PLA2G4D: variants seen among roughly 807,000 people sequenced by gnomAD.
PLA2G4D encodes phospholipase A2 group IVD.
Under a neutral mutation model 94.4 loss-of-function variants are expected in PLA2G4D, and 80 were observed. The ratio of observed to expected loss-of-function variants is 0.85; its 90% CI spans 0.71 to 1.02. The LOEUF is 1.02. Ranked by LOEUF, PLA2G4D falls within the 50% of genes least tolerant of loss-of-function variation. The pLI is 0.00. For missense variants in PLA2G4D, 1,050 were observed against 1,034.7 expected (o/e 1.01, Z -0.20); for synonymous variants, 438 against 440.9 (o/e 0.99, Z 0.08).
At chr15:42,082,962 G>A (rs960533387) in intron 8 of PLA2G4D, among the ~76,000 whole-genome samples, 1 of 152,226 alleles carries the variant, frequency 6.6e-6, no homozygotes, top group Non-Finnish European at 1.5e-5. Context: ...TTATTCTAAG[G>A]GTATCACTGG....
chr15:42,086,193 T>TTAC lies in PLA2G4D; in HGVS notation c.387+19_387+20insGTA. ...TGGAAGAAGTGGGGCCCACGGGGACTTCCCCACCCACCCACCCACCTGGGG... is the reference window on the plus strand; with the variant it reads ...TGGAAGAAGTGGGGCCCACGGGGACTTACTCCCCACCCACCCACCCACCTGGGG... On this transcript the variant is annotated intron_variant, in intron 4 of 19. Transcript: ENST00000290472. The TTAC allele has an allele frequency of 7.2e-7, 1 of 1,398,076 alleles. No individual in the cohort carries two copies. Among genetic ancestry groups the TTAC allele is most frequent in the South Asian group, 1.5e-5 (1 of 67,160 alleles). 86.6% of individuals were successfully genotyped at this position (1,398,076 alleles called of 1,614,324 possible). A position where few individuals can be genotyped will look rare whatever the true frequency, so the allele number is the denominator to read the frequency against.
intron 1 of PLA2G4D, among the ~76,000 whole-genome samples, chr15:42,089,150 C>T (rs1306729179): frequency 6.6e-6 from 1 of 152,194 alleles, no homozygotes; most frequent in Non-Finnish European, 1.5e-5. Flanking sequence ...CATTTGATAT[C>T]GCATAGCTGG....
rs765660120 is a variant in PLA2G4D, at chr15:42,079,701, T to C, written c.1153A>G (p.Ile385Val). 2.5e-6 allele frequency: 4 copies of C among 1,611,996 alleles called. No individual in the cohort carries two copies. The highest frequency in any genetic ancestry group is 2.5e-6 in the Non-Finnish European group (3 of 1,179,252). The change falls in exon 13 of 20, where the codon ATC becomes GTC. Residue 385 changes from isoleucine (I) to valine (V), a missense_variant. Physicochemically the swap from Ile to Val is conservative, Grantham distance 29. Transcript: ENST00000290472. ...EWSQRDLEGPIRYAREHLAKS... is the reference protein window; with the variant it reads ...EWSQRDLEGPVRYAREHLAKS... ...GCCAGGTGCTCCCGGGCGTATCTGA[T>C]AGGTCCCTCCAGGTCCCTCTGCGAC...
chr15:42,088,137 C>T (rs903301458), intron 1 of PLA2G4D, among the ~76,000 whole-genome samples: 14 of 152,170 alleles, frequency 9.2e-5, no homozygotes, highest in African/African-American at 2.4e-4. Context: ...TCAGCCCTTC[C>T]GGACGGGAAG....
At chr15:42,085,169 G>C in intron 5 of PLA2G4D, 31 bp from the exon 6 acceptor site, 3 of 1,613,958 alleles carry the variant, frequency 1.9e-6, no homozygotes, top group Non-Finnish European at 2.5e-6. Context: ...AAAGGCAAAC[G>C]CTTCCTGCAT....
chr15:42,083,646 A>G (rs1368847326), intron 7 of PLA2G4D, 70 bp downstream of exon 7: 1 of 1,572,772 alleles, frequency 6.4e-7, no homozygotes, highest in African/African-American at 1.4e-5. Flanking sequence ...TGCCCTGCGC[A>G]GGCTTCCCAG....
In PLA2G4D at chr15:42,086,194, T is replaced by TGGCC; in HGVS notation, c.387+18_387+19insGGCC. The TGGCC allele has an allele frequency of 7.3e-7, 1 of 1,370,444 alleles. No homozygotes were observed. 84.9% of individuals were successfully genotyped at this position (1,370,444 alleles called of 1,614,324 possible). On this transcript the variant is annotated intron_variant, in intron 4 of 19. Coordinates refer to ENST00000290472, the MANE Select transcript of PLA2G4D (RefSeq NM_178034.4). ...GGAAGAAGTGGGGCCCACGGGGACTTCCCCACCCACCCACCCACCTGGGGA... is the reference window on the plus strand; with the variant it reads ...GGAAGAAGTGGGGCCCACGGGGACTTGGCCCCCCACCCACCCACCCACCTGGGGA...
Position 42,081,075 on chromosome 15 carries a change from T to C in PLA2G4D, c.1016A>G (p.Tyr339Cys). The change falls in exon 12 of 20, where the codon TAC (tyrosine) becomes TGC (cysteine). Residue 339 changes from tyrosine (Y) to cysteine (C), a missense_variant. Transcript: ENST00000290472. Reference protein sequence around the residue: ...GGGARAMTSLYGHLLALQKLG... With the variant: ...GGGARAMTSLCGHLLALQKLG... ...CTTCTGCAAGGCCAATAGGTGGCCG[T>C]AGAGTGAGGTCATGGCCCGGGCACC... 6.2e-7 allele frequency: 1 copy of C among 1,614,168 alleles called. No individual in the cohort carries two copies. The highest frequency in any genetic ancestry group is 8.5e-7 in the Non-Finnish European group (1 of 1,180,022).
chr15:42,068,291 A>G lies in PLA2G4D; in HGVS notation c.*424T>C, dbSNP rs1889723441. ...GGACAAGGAGAGGAGGAGGTGGAGG[A>G]GCAGGAAGAAGATGAGGAGGCAATG... On this transcript the variant is annotated 3_prime_UTR_variant, in exon 20 of 20. Transcript: ENST00000290472. The G allele has an allele frequency of 6.2e-6, 1 of 162,394 alleles. No individual in the cohort carries two copies. The highest frequency in any genetic ancestry group is 1.3e-5 in the Non-Finnish European group (1 of 74,324). The allele number at this position is 162,394 out of a possible 1,614,324, so 10.1% of individuals were successfully genotyped here.
chr15:42,092,888 C>T (rs915092805), intron 1 of PLA2G4D, among the ~76,000 whole-genome samples: 3 of 152,268 alleles, frequency 2.0e-5, no homozygotes, highest in African/African-American at 4.8e-5. Context: ...CCTGGGTGTT[C>T]GGCAGGAAGA....
chr15:42,069,257 C>T (rs1420479995), intron 19 of PLA2G4D, among the ~76,000 whole-genome samples: 4 of 152,044 alleles, frequency 2.6e-5, no homozygotes, highest in African/African-American at 4.8e-5. Context: ...ACTGGGTTTG[C>T]GAATGGATTC....
At chr15:42,086,656 GC>G (rs1281613037) in intron 3 of PLA2G4D, among the ~76,000 whole-genome samples, 1 of 152,072 alleles carries the variant, frequency 6.6e-6, no homozygotes, top group Non-Finnish European at 1.5e-5. Flanking sequence ...TTCGAGACCA[GC>G]CTGGCCAACA....
At position 42,082,279 on chromosome 15, in the gene PLA2G4D, A is replaced by G. The variant is rs757722649; in HGVS notation, c.783T>C (p.Asn261=). 2.5e-6 allele frequency: 4 copies of G among 1,612,700 alleles called. No homozygotes were observed. The highest frequency in any genetic ancestry group is 3.4e-6 in the Non-Finnish European group (4 of 1,178,832). ...TTCCCATCCAGTTGAGGCCACTTAC[A>G]TTTGGAGCAGGAACATCCATAGTCA... ...KEVTMDVPAP[N]APGVRLQLKA... is the part of the protein sequence containing the mutation. The change falls in exon 9 of 20, where the codon AAT becomes AAC. Residue 261 remains asparagine, a splice_region_variant and synonymous_variant. Coordinates refer to ENST00000290472, the MANE Select transcript of PLA2G4D (RefSeq NM_178034.4).
chr15:42,074,756 T>C (rs754357400), intron 13 of PLA2G4D, among the ~76,000 whole-genome samples: 4 of 152,214 alleles, frequency 2.6e-5, no homozygotes, highest in Non-Finnish European at 5.9e-5. Flanking sequence ...AATACCTGTT[T>C]TTATCTAAAG....
rs1889703490 is a variant in PLA2G4D, at chr15:42,067,253, C to T, written c.*1462G>A. On this transcript the variant is annotated 3_prime_UTR_variant, in exon 20 of 20. Coordinates refer to ENST00000290472, the MANE Select transcript of PLA2G4D (RefSeq NM_178034.4). ...ATGAGGGAGGTAAGAAATGTGCTAG[C>T]AGCTGGCCGTGGTGGCTCACACCAG... 6.6e-6 allele frequency: 1 copy of T among 152,288 alleles called. No homozygotes were observed. The highest frequency in any genetic ancestry group is 2.1e-4 in the South Asian group (1 of 4,830). 9.4% of individuals were successfully genotyped at this position (152,288 alleles called of 1,614,324 possible). A position where few individuals can be genotyped will look rare whatever the true frequency, so the allele number is the denominator to read the frequency against.
At position 42,071,841 on chromosome 15, in the gene PLA2G4D, G is replaced by A. The variant is rs759983989; in HGVS notation, c.1506C>T (p.Phe502=). 1.3e-5 allele frequency: 21 copies of A among 1,614,054 alleles called. No individual in the cohort carries two copies. Among genetic ancestry groups the A allele is most frequent in the Admixed American group, 3.3e-5 (2 of 60,006 alleles). Residue 502 remains phenylalanine, a synonymous_variant, in exon 15 of 20, where the codon TTC becomes TTT. Coordinates refer to ENST00000290472, the MANE Select transcript of PLA2G4D (RefSeq NM_178034.4). ...KYGAFVPPEL[F]GSEFFMGRLM... is the part of the protein sequence containing the mutation. ...GCCGTCCCATGAAGAACTCGGAGCCGAAGAGCTCAGGAGGGACGAAGGCCC... is the reference window on the plus strand; with the variant it reads ...GCCGTCCCATGAAGAACTCGGAGCCAAAGAGCTCAGGAGGGACGAAGGCCC...
intron 15 of PLA2G4D, 67 bp downstream of exon 15, chr15:42,071,707 C>T (rs1187483243): frequency 1.4e-6 from 2 of 1,449,662 alleles, no homozygotes; most frequent in African/African-American, 2.9e-5. Context: ...ACCTGAGCTA[C>T]AGGACCCATG....
At chr15:42,072,857 G>C (rs1350992599) in intron 13 of PLA2G4D, among the ~76,000 whole-genome samples, 1 of 152,146 alleles carries the variant, frequency 6.6e-6, no homozygotes, top group Non-Finnish European at 1.5e-5. Context: ...TCAAGTTTCA[G>C]CTCCTCCCGA....
chr15:42,093,895 G>T (rs1427992315), intron 1 of PLA2G4D, among the ~76,000 whole-genome samples: 1 of 152,166 alleles, frequency 6.6e-6, no homozygotes, highest in Non-Finnish European at 1.5e-5. Context: ...CTGGGCTTTG[G>T]AGAAACACAT....
Sources: gnomAD v4.1 joint callset for allele counts (sites outside exome capture counted in the v4.1 genomes callset) on GRCh38, gnomAD v4.1.1 for gene constraint, MANE v1.5 for transcripts, NCBI Gene and HGNC (gene_info 2026-07-23, HGNC 2026-07-21) for gene names.